Variants in AFF1 observed in about 807,000 individuals in gnomAD.
The protein encoded by AFF1 is AF4/FMR2 family member 1.
A neutral mutation model predicts 121.7 loss-of-function variants in AFF1; 48 were observed. The observed-to-expected ratio is 0.39, with a 90% CI of 0.31 to 0.50. The LOEUF (loss-of-function observed/expected upper bound fraction) is 0.50, where lower values mean the gene tolerates loss of function less well. Ranked by LOEUF, AFF1 falls within the 20% of genes least tolerant of loss-of-function variation. AFF1 has a pLI of 0.76. For synonymous variants in AFF1, 613 were observed against 563.0 expected (o/e 1.09, Z -1.26); for missense variants, 1,523 against 1,511.7 (o/e 1.01, Z -0.12).
At chr4:87,120,986 C>G (rs1334964167) in intron 12 of AFF1, among the ~76,000 whole-genome samples, 1 of 149,658 alleles carries the variant, frequency 6.7e-6, no homozygotes, top group Non-Finnish European at 1.5e-5. Context: ...ATGGCCTTCA[C>G]TCTTGCCCTG....
chr4:87,001,791 T>C (rs1725748471), intron 2 of AFF1, among the ~76,000 whole-genome samples: 1 of 152,176 alleles, frequency 6.6e-6, no homozygotes, highest in African/African-American at 2.4e-5. Flanking sequence ...CTGTCTGCCT[T>C]CTGGGTAATG....
intron 11 of AFF1, among the ~76,000 whole-genome samples, chr4:87,113,053 G>A (rs573440372): frequency 1.1e-4 from 17 of 152,150 alleles, no homozygotes; most frequent in Non-Finnish European, 1.6e-4. Flanking sequence ...AAGAGTCTCC[G>A]TCATTCTTTT....
chr4:87,089,860 T>A, intron 5 of AFF1, 124 bp from the exon 6 acceptor site: 2 of 619,496 alleles, frequency 3.2e-6, no homozygotes, highest in Non-Finnish European at 2.7e-6. Flanking sequence ...GTACATGAAA[T>A]AACTTTTAAG....
chr4:86,938,547 C>T (rs1720220310), intron 1 of AFF1, among the ~76,000 whole-genome samples: 1 of 151,088 alleles, frequency 6.6e-6, no homozygotes, highest in Non-Finnish European at 1.5e-5. Context: ...ATAAATTCAA[C>T]AATGGTTTCT....
At chr4:87,082,944 G>A (rs1479785895) in intron 4 of AFF1, among the ~76,000 whole-genome samples, 1 of 152,174 alleles carries the variant, frequency 6.6e-6, no homozygotes, top group African/African-American at 2.4e-5. Context: ...CTCTAGCTGC[G>A]AGGTAGGTAT....
At chr4:86,983,720 C>CAA (rs113012679) in intron 2 of AFF1, among the ~76,000 whole-genome samples, 59 of 118,314 alleles carry the variant, frequency 5.0e-4, no homozygotes, top group Middle Eastern at 5.5e-3. Flanking sequence ...AATGAAAAAC[C>CAA]AAAAAAAAAA....
At chr4:87,078,968 T>C (rs887323496) in intron 4 of AFF1, among the ~76,000 whole-genome samples, 1 of 152,166 alleles carries the variant, frequency 6.6e-6, no homozygotes, top group Non-Finnish European at 1.5e-5. Flanking sequence ...TATTTGACCT[T>C]CATACCAACC....
intron 5 of AFF1, among the ~76,000 whole-genome samples, chr4:87,085,480 G>A (rs1186507200): frequency 6.7e-6 from 1 of 149,790 alleles, no homozygotes; most frequent in Non-Finnish European, 1.5e-5. Context: ...TATAATAAAT[G>A]TGACTGTTAA....
chr4:87,138,993 A>T lies in AFF1; in HGVS notation c.*3292A>T, dbSNP rs1160914039. Reference sequence around the variant, plus strand: ...TGGCTGAAAACTTGCCTTATTTGGTATCTTACACATTAATGTTACTAGCAT... The same window carrying T: ...TGGCTGAAAACTTGCCTTATTTGGTTTCTTACACATTAATGTTACTAGCAT... On this transcript the variant is annotated 3_prime_UTR_variant, in exon 21 of 21. Coordinates refer to ENST00000395146, the MANE Select transcript of AFF1 (RefSeq NM_001166693.3). 5 of 224,516 alleles carry T rather than the reference A, an allele frequency of 2.2e-5. No individual in the cohort carries two copies. In the East Asian group the frequency reaches 2.6e-4, roughly 12 times the overall value. The allele number at this position is 224,516 out of a possible 1,614,324, so 13.9% of individuals were successfully genotyped here.
At chr4:87,021,172 A>G (rs561346056) in intron 2 of AFF1, among the ~76,000 whole-genome samples, 18 of 152,288 alleles carry the variant, frequency 1.2e-4, no homozygotes, top group East Asian at 3.9e-4. Context: ...TCTTCTGTCA[A>G]ACAACTTGGG....
chr4:87,010,758 A>G (rs528782117), intron 2 of AFF1, among the ~76,000 whole-genome samples: 38 of 152,232 alleles, frequency 2.5e-4, no homozygotes, highest in African/African-American at 8.9e-4. Flanking sequence ...GAAAATATAC[A>G]TACCTTCAAA....
chr4:87,013,900 C>T (rs1253355320), intron 2 of AFF1, among the ~76,000 whole-genome samples: 1 of 151,824 alleles, frequency 6.6e-6, no homozygotes, highest in Admixed American at 6.6e-5. Flanking sequence ...AGGCCAGGGG[C>T]GCAGGTACCA....
At chr4:86,973,962 A>T (rs1228239782) in intron 2 of AFF1, 1 of 152,218 alleles carries the variant, frequency 6.6e-6, no homozygotes. Flanking sequence ...GCACACAGCC[A>T]GATTGTGAAA....
intron 1 of AFF1, among the ~76,000 whole-genome samples, chr4:86,943,864 A>C (rs924751144): frequency 1.3e-5 from 2 of 152,058 alleles, no homozygotes; most frequent in Non-Finnish European, 2.9e-5. Context: ...CGGGAGGCTG[A>C]GGCAGGAGAA....
intron 7 of AFF1, among the ~76,000 whole-genome samples, chr4:87,092,707 A>G (rs1353625115): frequency 6.6e-6 from 1 of 152,194 alleles, no homozygotes; most frequent in African/African-American, 2.4e-5. Flanking sequence ...TGCTGTAGAG[A>G]TACTGAATAA....
intron 2 of AFF1, among the ~76,000 whole-genome samples, chr4:86,986,569 C>G (rs1315373343): frequency 6.6e-6 from 1 of 151,388 alleles, no homozygotes; most frequent in African/African-American, 2.4e-5. Context: ...ATGCTGTCAG[C>G]AAAATTCATA....
intron 4 of AFF1, among the ~76,000 whole-genome samples, chr4:87,081,429 T>C (rs1723168797): frequency 6.6e-6 from 1 of 152,206 alleles, no homozygotes; most frequent in Non-Finnish European, 1.5e-5. Context: ...CCCAAAGTGC[T>C]GGGATTACAG....
chr4:87,087,387 G>C (rs878902182), intron 5 of AFF1, among the ~76,000 whole-genome samples: 1 of 152,332 alleles, frequency 6.6e-6, no homozygotes, highest in African/African-American at 2.4e-5. Context: ...GGAAGAACTG[G>C]TGGAAAATCC....
intron 11 of AFF1, 90 bp from the exon 12 acceptor site, chr4:87,114,277 G>T: frequency 8.4e-7 from 1 of 1,192,350 alleles, no homozygotes. Flanking sequence ...CTCCTCTGCA[G>T]GACAGTGTTG....
Sources: allele counts gnomAD v4.1 joint callset (sites outside exome capture counted in the v4.1 genomes callset), GRCh38; gene constraint gnomAD v4.1.1; transcripts MANE v1.5; gene names NCBI Gene and HGNC (gene_info 2026-07-23, HGNC 2026-07-21).